PRELID2: variants seen among roughly 807,000 people sequenced by gnomAD.
PRELID2 encodes PRELI domain containing 2.
PRELID2 carries 25 observed loss-of-function variants against 28.4 expected under a neutral mutation model. The observed-to-expected ratio is 0.88, with a 90% confidence interval of 0.64 to 1.23. PRELID2 has a LOEUF of 1.23. Among genes scored for constraint, PRELID2 ranks in the 50% most tolerant of loss-of-function variants. The pLI, the probability that PRELID2 is intolerant of heterozygous loss-of-function variation, is 0.00. For missense variants in PRELID2, 201 were observed against 214.4 expected, an observed-to-expected ratio of 0.94 and a Z score of 0.39; for synonymous variants, 76 against 71.6, an observed-to-expected ratio of 1.06 and a Z score of -0.31.
Position 145,648,200 on chromosome 5 carries a change from C to T in PRELID2, n.70+116731G>A, listed in dbSNP as rs79866629. ...GTACCTTCTGAAACTCACACATATA[C>T]GCTAAGGAGACATATCCAAGAATGA... On this transcript the variant is annotated intron_variant and non_coding_transcript_variant, in intron 1 of 2. Coordinates refer to the PRELID2 transcript ENST00000510259. 1.4e-3 allele frequency among the ~76,000 whole-genome samples: 208 copies of T among 152,234 alleles called. 2 individuals are homozygous for T. Among genetic ancestry groups the T allele is most frequent in the African/African-American group, 4.8e-3 (201 of 41,542 alleles).
chr5:145,692,295 G>A (rs989144144), intron 1 of PRELID2, among the ~76,000 whole-genome samples: 5 of 152,012 alleles, frequency 3.3e-5, no homozygotes, highest in Admixed American at 2.0e-4. Context: ...AGTTGCAGTC[G>A]ATGGGACAGG....
intron 1 of PRELID2, among the ~76,000 whole-genome samples, chr5:145,686,591 A>T (rs533958904): frequency 6.6e-6 from 1 of 152,176 alleles, no homozygotes; most frequent in Admixed American, 6.5e-5. Flanking sequence ...TAGTTTGAAG[A>T]CTATTTGTGT....
At chr5:145,279,770 G>A in the PRELID2 span, among the ~76,000 whole-genome samples, 2 of 150,758 alleles carry the variant, frequency 1.3e-5, no homozygotes, top group East Asian at 1.9e-4. Flanking sequence ...CAAAAAATTA[G>A]AAGGACATAT....
chr5:145,623,880 A>G (rs965630494), intron 1 of PRELID2, among the ~76,000 whole-genome samples: 14 of 152,176 alleles, frequency 9.2e-5, no homozygotes, highest in African/African-American at 3.4e-4. Flanking sequence ...GCCAGGAGTT[A>G]GCATCAGATC....
the PRELID2 span, among the ~76,000 whole-genome samples, chr5:145,259,016 A>G: frequency 6.6e-6 from 1 of 152,212 alleles, no homozygotes; most frequent in Admixed American, 6.5e-5. Flanking sequence ...AAAGGGGTCC[A>G]GGTGCCTCTC....
chr5:145,577,819 A>G (rs183473866), intron 1 of PRELID2, among the ~76,000 whole-genome samples: 183 of 152,254 alleles, frequency 1.2e-3, no homozygotes, highest in African/African-American at 4.3e-3. Context: ...TGTCTTCCAC[A>G]CTAACAGGCC....
the PRELID2 span, among the ~76,000 whole-genome samples, chr5:145,351,451 T>C: frequency 6.6e-6 from 1 of 152,086 alleles, no homozygotes; most frequent in Non-Finnish European, 1.5e-5. Context: ...TCACTCACTA[T>C]CACAAGAACA....
the PRELID2 span, among the ~76,000 whole-genome samples, chr5:145,418,337 C>A: frequency 1.3e-5 from 2 of 152,062 alleles, no homozygotes; most frequent in African/African-American, 4.8e-5. Context: ...AGCTTCAATA[C>A]TATTTTCATT....
chr5:145,583,436 G>A (rs1392781958), intron 1 of PRELID2, among the ~76,000 whole-genome samples: 1 of 152,084 alleles, frequency 6.6e-6, no homozygotes, highest in African/African-American at 2.4e-5. Flanking sequence ...GGAAGTTCTG[G>A]CCAGGGCAAT....
At chr5:145,761,592 A>G (rs1032238663) in intron 6 of PRELID2, among the ~76,000 whole-genome samples, 2 of 152,212 alleles carry the variant, frequency 1.3e-5, no homozygotes, top group African/African-American at 4.8e-5. Context: ...CTCAATCAGT[A>G]GGCAAAAATT....
intron 5 of PRELID2, among the ~76,000 whole-genome samples, chr5:145,782,816 T>C (rs1751722254): frequency 6.6e-6 from 1 of 152,358 alleles, no homozygotes; most frequent in Admixed American, 6.5e-5. Flanking sequence ...TAAAGACTAT[T>C]TGTCAGACAG....
chr5:145,443,292 G>A, the PRELID2 span, among the ~76,000 whole-genome samples: 1 of 151,926 alleles, frequency 6.6e-6, no homozygotes, highest in African/African-American at 2.4e-5. Flanking sequence ...ATATCTCTGT[G>A]CTCTGCTTCA....
chr5:145,676,110 C>T (rs1002300121), intron 1 of PRELID2, among the ~76,000 whole-genome samples: 11 of 150,348 alleles, frequency 7.3e-5, no homozygotes, highest in Admixed American at 2.7e-4. Flanking sequence ...ATCCCAGCTA[C>T]TAGAGAGGCT....
the PRELID2 span, among the ~76,000 whole-genome samples, chr5:145,396,001 T>C: frequency 6.6e-6 from 1 of 152,188 alleles, no homozygotes; most frequent in Non-Finnish European, 1.5e-5. Context: ...GCCTGAATTG[T>C]TGTGTCTTCT....
intron 1 of PRELID2, among the ~76,000 whole-genome samples, chr5:145,534,026 T>C (rs985676905): frequency 1.3e-5 from 2 of 152,052 alleles, no homozygotes; most frequent in Non-Finnish European, 2.9e-5. Context: ...CTATATTAGA[T>C]AGGAATTTGG....
chr5:145,497,890 T>C (rs569386780), intron 1 of PRELID2, among the ~76,000 whole-genome samples: 1 of 152,360 alleles, frequency 6.6e-6, no homozygotes, highest in Admixed American at 6.5e-5. Context: ...TTGTTGTAAC[T>C]TTCCCACAAG....
chr5:145,566,857 A>AG (rs1423383264), intron 1 of PRELID2, among the ~76,000 whole-genome samples: 6 of 149,762 alleles, frequency 4.0e-5, no homozygotes, highest in Admixed American at 6.6e-5. Flanking sequence ...AAAAAAAAAA[A>AG]AGAGAGAGCA....
chr5:145,368,242 A>T, the PRELID2 span, among the ~76,000 whole-genome samples: 17 of 152,090 alleles, frequency 1.1e-4, no homozygotes, highest in East Asian at 3.1e-3. Context: ...ATATTAAATG[A>T]TTGAATGTTT....
chr5:145,559,232 C>T (rs1561506169), intron 1 of PRELID2, among the ~76,000 whole-genome samples: 1 of 148,780 alleles, frequency 6.7e-6, no homozygotes, highest in South Asian at 2.1e-4. Flanking sequence ...CCAGCCTGGG[C>T]GACTGAGCGA....
Sources: allele counts gnomAD v4.1 joint callset (sites outside exome capture counted in the v4.1 genomes callset), GRCh38; gene constraint gnomAD v4.1.1; transcripts MANE v1.5; gene names NCBI Gene and HGNC (gene_info 2026-07-23, HGNC 2026-07-21).